ANXA6: variants seen among roughly 807,000 people sequenced by gnomAD.
The protein encoded by ANXA6 is 67 kDa calelectrin.
In ANXA6, 71 loss-of-function variants were observed where a neutral mutation model predicts 95.4. The observed-to-expected ratio is 0.74, with a 90% CI of 0.61 to 0.91. ANXA6 has a LOEUF of 0.91. ANXA6 is among the 40% of genes least tolerant of loss of function. The pLI, the probability that ANXA6 is intolerant of heterozygous loss-of-function variation, is 0.00. For synonymous variants in ANXA6, 289 were observed against 315.9 expected (o/e 0.91, Z 0.90); for missense variants, 830 against 876.4 (o/e 0.95, Z 0.67).
intron 1 of ANXA6, among the ~76,000 whole-genome samples, chr5:151,149,510 G>A (rs756872562): frequency 2.0e-4 from 31 of 151,902 alleles, no homozygotes; most frequent in Admixed American, 7.2e-4. Context: ...TTTTTGAGAT[G>A]GAGTCTCGCT....
chr5:151,108,503 T>C lies in ANXA6; in HGVS notation c.1732A>G (p.Ile578Val), dbSNP rs2113896026. Reference sequence around the variant, plus strand: ...ACATCCCCAGACATCTCCTTCTTGATGGTGTGCTCCACGTCATAGTTGGTC... The same window carrying C: ...ACATCCCCAGACATCTCCTTCTTGACGGTGTGCTCCACGTCATAGTTGGTC... ...KMTNYDVEHT[I>V]KKEMSGDVRD... The change falls in exon 23 of 26, where the codon ATC (isoleucine) becomes GTC (valine). Residue 578 changes from isoleucine to valine, a missense_variant. Physicochemically the swap from Ile to Val is conservative, Grantham distance 29 (BLOSUM62 3). Coordinates refer to ENST00000354546, the MANE Select transcript of ANXA6 (RefSeq NM_001155.5). The C allele has an allele frequency of 1.2e-6, 2 of 1,613,970 alleles. No homozygotes were observed. Among genetic ancestry groups the C allele is most frequent in the Non-Finnish European group, 1.7e-6 (2 of 1,179,868 alleles).
At chr5:151,104,291 A>G (rs1005621142) in intron 24 of ANXA6, among the ~76,000 whole-genome samples, 4 of 152,208 alleles carry the variant, frequency 2.6e-5, no homozygotes, top group South Asian at 2.1e-4. Flanking sequence ...GGAATGTGTT[A>G]CACCAGCCCT....
intron 2 of ANXA6, among the ~76,000 whole-genome samples, chr5:151,147,208 G>A (rs1765996036): frequency 6.6e-6 from 1 of 152,216 alleles, no homozygotes; most frequent in Non-Finnish European, 1.5e-5. Context: ...AGAGACTGAG[G>A]TTAGAGTCTC....
At chr5:151,150,664 C>T (rs1007388675) in intron 1 of ANXA6, among the ~76,000 whole-genome samples, 1 of 152,196 alleles carries the variant, frequency 6.6e-6, no homozygotes, top group East Asian at 1.9e-4. Context: ...CAACCAGGGG[C>T]CCCTTGGTAC....
intron 7 of ANXA6, among the ~76,000 whole-genome samples, 171 bp from the exon 8 acceptor site, chr5:151,134,654 A>T (rs1284473327): frequency 6.6e-6 from 1 of 152,194 alleles, no homozygotes; most frequent in Non-Finnish European, 1.5e-5. Context: ...TGAGCCAATC[A>T]AAAGGGACCC....
intron 13 of ANXA6, among the ~76,000 whole-genome samples, chr5:151,127,626 G>A (rs1765364457): frequency 6.6e-6 from 1 of 152,038 alleles, no homozygotes; most frequent in Admixed American, 6.5e-5. Context: ...CCTTGGTCTG[G>A]GCTAGGGCAT....
intron 20 of ANXA6, among the ~76,000 whole-genome samples, chr5:151,116,073 T>C (rs1300202917): frequency 2.0e-5 from 3 of 152,268 alleles, no homozygotes; most frequent in African/African-American, 7.2e-5. Flanking sequence ...ATATATAGTA[T>C]GCATTCTAAA....
At chr5:151,122,288 C>T (rs776401615) in intron 16 of ANXA6, 28 bp from the exon 17 acceptor site, 7 of 1,393,982 alleles carry the variant, frequency 5.0e-6, no homozygotes, top group African/African-American at 1.4e-5. Flanking sequence ...ACAGTCATGC[C>T]AACATCAGCA....
chr5:151,109,958 A>G (rs1189558735), intron 21 of ANXA6, 112 bp from the exon 22 acceptor site: 1 of 796,160 alleles, frequency 1.3e-6, no homozygotes, highest in African/African-American at 1.7e-5. Context: ...AGCTGGGCTC[A>G]CCCAGCCATC....
At chr5:151,152,298 A>G (rs1766126875) in intron 1 of ANXA6, among the ~76,000 whole-genome samples, 1 of 152,250 alleles carries the variant, frequency 6.6e-6, no homozygotes, top group Non-Finnish European at 1.5e-5. Context: ...GTAAAGGCTC[A>G]ATAAATGGTG....
chr5:151,117,101 T>C, intron 20 of ANXA6, 26 bp downstream of exon 20: 1 of 1,563,084 alleles, frequency 6.4e-7, no homozygotes, highest in Non-Finnish European at 8.7e-7. Context: ...CCGGCAGAGG[T>C]GACTGGGGTG....
chr5:151,101,189 A>G lies in ANXA6; in HGVS notation c.*259T>C. On this transcript the variant is annotated 3_prime_UTR_variant, in exon 26 of 26. Transcript: ENST00000354546. The stretch of plus-strand genomic sequence containing the variant: ...GCTGTAGCAAGGGGAGGAAGCTGGG[A>G]AAGCCTGAGGGTCAGAGGGGAGTGG... 1.7e-6 allele frequency: 1 copy of G among 592,452 alleles called. No individual in the cohort carries two copies. Among genetic ancestry groups the G allele is most frequent in the South Asian group, 1.9e-5 (1 of 53,246 alleles). The allele number at this position is 592,452 out of a possible 1,614,324, so 36.7% of individuals were successfully genotyped here.
At chr5:151,108,647 C>T in intron 22 of ANXA6, 97 bp from the exon 23 acceptor site, 1 of 1,047,528 alleles carries the variant, frequency 9.5e-7, no homozygotes, top group Admixed American at 1.8e-5. Flanking sequence ...ACAGGCTGTG[C>T]CTGAGAAAGT....
intron 1 of ANXA6, among the ~76,000 whole-genome samples, chr5:151,150,654 C>T (rs561373975): frequency 4.5e-4 from 69 of 152,310 alleles, no homozygotes; most frequent in African/African-American, 1.6e-3. Flanking sequence ...GTTTCCCTGG[C>T]AACCAGGGGC....
In ANXA6 at chr5:151,126,570, A is replaced by ACACACACC. The variant is rs1491006188; in HGVS notation, c.978-91_978-90insGGTGTGTG. 10 of 923,958 alleles carry ACACACACC rather than the reference A, an allele frequency of 1.1e-5. No homozygotes were observed. The South Asian group carries it at 1.1e-4, about 11-fold the overall frequency. 57.2% of individuals were successfully genotyped at this position (923,958 alleles called of 1,614,324 possible). ...CACACACACACACACACACACACAC[A>ACACACACC]CCCCAACACATACACACACGTGCAC... On this transcript the variant is annotated intron_variant, in intron 13 of 25. Transcript: ENST00000354546.
intron 13 of ANXA6, 76 bp from the exon 14 acceptor site, chr5:151,126,556 A>ACC (rs1765323999): frequency 1.0e-6 from 1 of 953,648 alleles, no homozygotes; most frequent in East Asian, 2.6e-5. Context: ...ACACACACAC[A>ACC]CACACACACA....
chr5:151,110,460 G>T (rs1308396169), intron 21 of ANXA6, among the ~76,000 whole-genome samples, 167 bp downstream of exon 21: 1 of 152,204 alleles, frequency 6.6e-6, no homozygotes, highest in African/African-American at 2.4e-5. Context: ...CTGAAGTTTG[G>T]GAAACACTTG....
Position 151,103,605 on chromosome 5 carries a change from C to G in ANXA6, c.1927G>C (p.Glu643Gln), listed in dbSNP as rs751456128. 3.7e-5 allele frequency: 60 copies of G among 1,612,278 alleles called. No homozygotes were observed. Among genetic ancestry groups the G allele is most frequent in the Non-Finnish European group, 4.7e-5 (55 of 1,179,288 alleles). The change falls in exon 25 of 26, where the codon GAG becomes CAG. Residue 643 changes from glutamate (E) to glutamine (Q), a missense_variant. Transcript: ENST00000354546. The part of the protein sequence containing the change: ...DLLNIRREFI[E>Q]KYDKSLHQAI... ...TGGTGGAGAGACTTGTCATATTTCT[C>G]AATGAATTCCCTCCGGATGTTGAGC...
At position 151,100,903 on chromosome 5, in the gene ANXA6, A is replaced by G. The variant is rs776314499; in HGVS notation, c.*545T>C. ...CTGGCCTAAGGTCAGAAACAAGTGC[A>G]TGGCAGATGCAGATTTGAACCCAGG... On this transcript the variant is annotated 3_prime_UTR_variant, in exon 26 of 26. Coordinates refer to ENST00000354546, the MANE Select transcript of ANXA6 (RefSeq NM_001155.5). 1.1e-5 allele frequency: 5 copies of G among 456,274 alleles called. No individual in the cohort carries two copies. The highest frequency in any genetic ancestry group is 2.2e-5 in the Non-Finnish European group (5 of 227,052). 28.3% of individuals were successfully genotyped at this position (456,274 alleles called of 1,614,324 possible).
Sources: allele counts gnomAD v4.1 joint callset (sites outside exome capture counted in the v4.1 genomes callset), GRCh38; gene constraint gnomAD v4.1.1; transcripts MANE v1.5; gene names NCBI Gene and HGNC (gene_info 2026-07-23, HGNC 2026-07-21).